Variants in UGT1A8 observed in about 807,000 individuals in gnomAD.
The protein encoded by UGT1A8 is UDP-glucuronosyltransferase 1A8.
UGT1A8 carries 39 observed loss-of-function variants against 45.3 expected under a neutral mutation model. The observed-to-expected ratio is 0.86, with a 90% CI of 0.67 to 1.12. UGT1A8 has a LOEUF of 1.12. UGT1A8 is among the 50% of genes most tolerant of loss of function. UGT1A8 has a pLI of 0.00. For synonymous variants in UGT1A8, 275 were observed against 249.2 expected (o/e 1.10, Z -0.97); for missense variants, 719 against 664.9 (o/e 1.08, Z -0.90).
intron 1 of UGT1A8, chr2:233,672,300 A>G (rs1400844139): frequency 6.2e-7 from 1 of 1,613,686 alleles, no homozygotes. Flanking sequence ...TATTTTTTTC[A>G]AATTGCAGGA....
intron 1 of UGT1A8, chr2:233,743,836 C>G (rs62191918): frequency 1.5e-6 from 2 of 1,367,146 alleles, no homozygotes; most frequent in South Asian, 1.1e-5. Flanking sequence ...GCCACTTGAG[C>G]GCCAGCTTGC....
intron 1 of UGT1A8, chr2:233,747,330 C>A (rs896598113): frequency 4.4e-6 from 7 of 1,603,408 alleles, no homozygotes; most frequent in Non-Finnish European, 6.0e-6. Context: ...TTGATGGCAG[C>A]CACTGGCTCG....
At chr2:233,760,987 G>T in intron 1 of UGT1A8, 1 of 1,614,140 alleles carries the variant, frequency 6.2e-7, no homozygotes. Context: ...TGCAACCCTT[G>T]CCTCAGAATT....
At chr2:233,682,504 T>C (rs903531328) in intron 1 of UGT1A8, 4 of 1,613,870 alleles carry the variant, frequency 2.5e-6, no homozygotes, top group Non-Finnish European at 3.4e-6. Flanking sequence ...CTCTTTCCTA[T>C]GTCCCCAGAC....
At position 233,754,917 on chromosome 2, in the gene UGT1A8, G is replaced by A. The variant is rs1403282569; in HGVS notation, c.856-12117G>A. ...CTGACCCCCCAAAATATTCTCCAGC[G>A]GGTTTCCCAAGAGGTCAAAGGAGAA... On this transcript the variant is annotated intron_variant, in intron 1 of 4. Coordinates refer to ENST00000373450, the MANE Select transcript of UGT1A8 (RefSeq NM_019076.5). The A allele has an allele frequency of 3.0e-6, 4 of 1,353,604 alleles. No homozygotes were observed. In the African/African-American group the frequency reaches 4.4e-5, roughly 15 times the overall value. 83.8% of individuals were successfully genotyped at this position (1,353,604 alleles called of 1,614,324 possible).
intron 1 of UGT1A8, among the ~76,000 whole-genome samples, chr2:233,630,888 A>G (rs1025801785): frequency 1.3e-5 from 2 of 148,328 alleles, no homozygotes; most frequent in Non-Finnish European, 3.0e-5. Flanking sequence ...CAGAACATGC[A>G]GGTTTGTTAC....
intron 1 of UGT1A8, among the ~76,000 whole-genome samples, chr2:233,669,639 C>A (rs1434999897): frequency 1.3e-5 from 2 of 152,088 alleles, no homozygotes; most frequent in African/African-American, 4.8e-5. Flanking sequence ...GAGGTACCAA[C>A]CCCCGAGCAG....
chr2:233,762,345 C>A (rs964115716), intron 1 of UGT1A8, among the ~76,000 whole-genome samples: 1 of 152,164 alleles, frequency 6.6e-6, no homozygotes, highest in Non-Finnish European at 1.5e-5. Flanking sequence ...CTTTTTAGTT[C>A]TTTGTACTCC....
At chr2:233,691,247 C>G in intron 1 of UGT1A8, 1 of 985,544 alleles carries the variant, frequency 1.0e-6, no homozygotes, top group Non-Finnish European at 1.2e-6. Flanking sequence ...TCTAGATGAA[C>G]TCAAAGCAAG....
chr2:233,630,665 A>G (rs1446643336), intron 1 of UGT1A8, among the ~76,000 whole-genome samples: 1 of 152,144 alleles, frequency 6.6e-6, no homozygotes, highest in African/African-American at 2.4e-5. Flanking sequence ...GAGAGCTGGC[A>G]TGTCACATGG....
intron 1 of UGT1A8, among the ~76,000 whole-genome samples, chr2:233,751,652 T>C (rs1459670013): frequency 2.0e-5 from 3 of 152,194 alleles, no homozygotes; most frequent in Non-Finnish European, 2.9e-5. Context: ...GCTGTTCTCA[T>C]CCTACTGAGT....
intron 1 of UGT1A8, among the ~76,000 whole-genome samples, chr2:233,702,234 A>G (rs1420073908): frequency 2.0e-5 from 3 of 152,140 alleles, no homozygotes; most frequent in African/African-American, 7.2e-5. Flanking sequence ...GAATTTGCCT[A>G]TTTCTATGGA....
intron 1 of UGT1A8, among the ~76,000 whole-genome samples, chr2:233,670,319 G>A (rs889806917): frequency 1.3e-5 from 2 of 152,148 alleles, no homozygotes; most frequent in African/African-American, 4.8e-5. Flanking sequence ...GAAGAAGGAG[G>A]AGAGACAGGT....
chr2:233,733,686 T>A (rs1338920576), intron 1 of UGT1A8, among the ~76,000 whole-genome samples: 1 of 152,244 alleles, frequency 6.6e-6, no homozygotes, highest in African/African-American at 2.4e-5. Context: ...AACTTTTTGA[T>A]GTGCTGCTGG....
rs374013247 is a variant in UGT1A8, at chr2:233,693,245, C to T, written c.856-73789C>T. ...CTACACAAGAAAAATCTATCCAGTG[C>T]CGTATGACCAAGAAGAGCTGAAGAA... On this transcript the variant is annotated intron_variant, in intron 1 of 4. Coordinates refer to ENST00000373450, the MANE Select transcript of UGT1A8 (RefSeq NM_019076.5). 49 of 1,613,952 alleles carry T rather than the reference C, an allele frequency of 3.0e-5. 1 individual carries two copies. The highest frequency in any genetic ancestry group is 3.6e-5 in the Non-Finnish European group (42 of 1,180,016).
At chr2:233,645,281 G>A (rs1357370732) in intron 1 of UGT1A8, among the ~76,000 whole-genome samples, 1 of 152,142 alleles carries the variant, frequency 6.6e-6, no homozygotes, top group Non-Finnish European at 1.5e-5. Flanking sequence ...ACAACAGTGG[G>A]AATTGTGGGA....
intron 1 of UGT1A8, among the ~76,000 whole-genome samples, chr2:233,678,833 C>T (rs1451854095): frequency 6.6e-6 from 1 of 152,114 alleles, no homozygotes; most frequent in Non-Finnish European, 1.5e-5. Context: ...TTTGAAATAC[C>T]TTATCCCCAA....
chr2:233,753,704 T>C (rs1413802728), intron 1 of UGT1A8: 3 of 152,228 alleles, frequency 2.0e-5, no homozygotes, highest in Non-Finnish European at 4.4e-5. Flanking sequence ...TGCACTTGGC[T>C]TTCATCAACC....
chr2:233,748,089 C>T (rs17863798), intron 1 of UGT1A8: 111,177 of 1,612,822 alleles, frequency 0.069, 5,243 homozygotes, highest in South Asian at 0.18. Context: ...GGTCGGTGTT[C>T]GTGCCTTCAT....
Sources: allele counts gnomAD v4.1 joint callset (sites outside exome capture counted in the v4.1 genomes callset), GRCh38; gene constraint gnomAD v4.1.1; transcripts MANE v1.5; gene names NCBI Gene and HGNC (gene_info 2026-07-23, HGNC 2026-07-21).